The following KANSL1L variants were observed in gnomAD, a reference collection of about 807,000 sequenced individuals.
KANSL1L encodes KAT8 regulatory NSL complex subunit 1 like.
KANSL1L carries 25 observed loss-of-function variants against 108.6 expected under a neutral mutation model. That is an observed-to-expected ratio of 0.23 (90% confidence interval 0.17 to 0.32). The LOEUF (loss-of-function observed/expected upper bound fraction) is 0.32, where lower values mean the gene tolerates loss of function less well. Ranked by LOEUF, KANSL1L falls within the 10% of genes least tolerant of loss-of-function variation. The pLI, the probability that KANSL1L is intolerant of heterozygous loss-of-function variation, is 1.00. For synonymous variants in KANSL1L, 405 were observed against 395.1 expected, an observed-to-expected ratio of 1.03 and a Z score of -0.30; for missense variants, 1,137 against 1,125.7, an observed-to-expected ratio of 1.01 and a Z score of -0.14.
At chr2:210,142,678 C>T (rs545391791) in intron 2 of KANSL1L, among the ~76,000 whole-genome samples, 3 of 152,066 alleles carry the variant, frequency 2.0e-5, no homozygotes, top group Non-Finnish European at 4.4e-5. Context: ...ATTTTCATTT[C>T]TCTCAAGATA....
intron 3 of KANSL1L, among the ~76,000 whole-genome samples, chr2:210,124,943 G>A (rs1270222587): frequency 6.6e-6 from 1 of 151,984 alleles, no homozygotes; most frequent in African/African-American, 2.4e-5. Context: ...AACTTAAGAA[G>A]ACTAAATCTC....
chr2:210,109,610 T>A (rs2094884990), intron 3 of KANSL1L, among the ~76,000 whole-genome samples: 1 of 152,146 alleles, frequency 6.6e-6, no homozygotes, highest in Non-Finnish European at 1.5e-5. Context: ...AGAATATATG[T>A]CAGCTATTGG....
At chr2:210,141,933 T>C (rs1295871506) in intron 2 of KANSL1L, among the ~76,000 whole-genome samples, 3 of 152,108 alleles carry the variant, frequency 2.0e-5, no homozygotes, top group African/African-American at 7.2e-5. Flanking sequence ...TTTTAATGTG[T>C]AGTTAATTCA....
Position 210,153,623 on chromosome 2 carries a change from T to C in KANSL1L, c.960A>G (p.Glu320=). The C allele has an allele frequency of 6.2e-7, 1 of 1,613,800 alleles. No individual in the cohort carries two copies. The highest frequency in any genetic ancestry group is 1.1e-5 in the South Asian group (1 of 90,998). Reference sequence around the variant, plus strand: ...TAGCAGAAAATGCAAATCTTTGGATTTCCGCAGCTGTACACCGTGCAAAGC... The same window carrying C: ...TAGCAGAAAATGCAAATCTTTGGATCTCCGCAGCTGTACACCGTGCAAAGC... ...KNGFARCTAA[E]IQRFAFSATG... is the part of the protein sequence containing the mutation. Residue 320 remains glutamate, a synonymous_variant, in exon 2 of 15, where the codon GAA becomes GAG. Coordinates refer to ENST00000281772, the MANE Select transcript of KANSL1L (RefSeq NM_152519.4).
chr2:210,084,995 A>C (rs921775744), intron 5 of KANSL1L, among the ~76,000 whole-genome samples: 1 of 152,190 alleles, frequency 6.6e-6, no homozygotes, highest in African/African-American at 2.4e-5. Flanking sequence ...TAATAACCAA[A>C]TGTAATTTAT....
chr2:210,064,141 C>T (rs922930687), intron 6 of KANSL1L: 4 of 152,150 alleles, frequency 2.6e-5, no homozygotes, highest in Non-Finnish European at 5.9e-5. Context: ...CTGCCATCTA[C>T]GTTAAGACAT....
At chr2:210,077,487 G>A (rs150832207) in intron 5 of KANSL1L, among the ~76,000 whole-genome samples, 320 of 152,192 alleles carry the variant, frequency 2.1e-3, no homozygotes, top group African/African-American at 6.9e-3. Context: ...CACTGAACAG[G>A]CTAAGTGGCT....
At chr2:210,114,013 T>C (rs970182392) in intron 3 of KANSL1L, among the ~76,000 whole-genome samples, 8 of 152,102 alleles carry the variant, frequency 5.3e-5, no homozygotes, top group African/African-American at 1.9e-4. Flanking sequence ...GCAGAGAGAA[T>C]ATTTGAAGAA....
At chr2:210,134,649 G>A (rs2095157720) in intron 2 of KANSL1L, among the ~76,000 whole-genome samples, 1 of 152,132 alleles carries the variant, frequency 6.6e-6, no homozygotes, top group African/African-American at 2.4e-5. Flanking sequence ...TTATCAAATT[G>A]AGGGAGAGGT....
intron 5 of KANSL1L, among the ~76,000 whole-genome samples, chr2:210,077,560 C>T (rs2094551359): frequency 6.6e-6 from 1 of 152,006 alleles, no homozygotes; most frequent in African/African-American, 2.4e-5. Flanking sequence ...GCATTAGAGG[C>T]AGTTAAGTCA....
intron 2 of KANSL1L, among the ~76,000 whole-genome samples, chr2:210,133,303 ACT>A (rs1292244538): frequency 1.3e-5 from 2 of 152,056 alleles, no homozygotes; most frequent in Non-Finnish European, 2.9e-5. Context: ...AAGTTATTAT[ACT>A]CTTTTTAATT....
rs779913412 is a variant in KANSL1L at position 210,153,783 on chromosome 2, T to C, written c.800A>G (p.His267Arg). Residue 267 changes from histidine to arginine, a missense_variant, in exon 2 of 15, where the codon CAT becomes CGT. Around this residue, in one of 3 missense-constraint regions of KANSL1L, gnomAD observed 556 missense variants for 537.7 expected, o/e 1.03. Transcript: ENST00000281772. ...YGQQMKLSMK[H>R]QLPKMKTFHE... is the part of the protein sequence containing the mutation. ...AAATGTCTTCATTTTGGGGAGTTGA[T>C]GTTTCATAGACAATTTCATCTGCTG... is the stretch of plus-strand genomic sequence containing the variant. 89 of 1,612,692 alleles carry C rather than the reference T, an allele frequency of 5.5e-5. No individual in the cohort carries two copies. The highest frequency in any genetic ancestry group is 7.4e-5 in the Non-Finnish European group (87 of 1,179,694).
intron 6 of KANSL1L, among the ~76,000 whole-genome samples, chr2:210,052,518 T>C (rs1240382006): frequency 6.6e-6 from 1 of 152,198 alleles, no homozygotes; most frequent in Non-Finnish European, 1.5e-5. Flanking sequence ...TCTGTGTGGT[T>C]TGTTCCCTCC....
At chr2:210,036,244 C>T (rs553903191) in intron 8 of KANSL1L, among the ~76,000 whole-genome samples, 2 of 152,260 alleles carry the variant, frequency 1.3e-5, no homozygotes, top group African/African-American at 2.4e-5. Context: ...TGCAGTGATG[C>T]GATCATTGCT....
chr2:210,063,520 G>C (rs1021582206), intron 6 of KANSL1L, among the ~76,000 whole-genome samples: 3 of 152,216 alleles, frequency 2.0e-5, no homozygotes. Flanking sequence ...GCCAGGAAGG[G>C]GGCTATACTC....
chr2:210,037,977 C>T (rs573563181), intron 8 of KANSL1L, among the ~76,000 whole-genome samples: 22 of 152,144 alleles, frequency 1.4e-4, no homozygotes, highest in African/African-American at 3.9e-4. Context: ...TATTTCTACA[C>T]GACTATAATT....
chr2:210,141,436 T>C (rs1484868624), intron 2 of KANSL1L, among the ~76,000 whole-genome samples: 2 of 152,084 alleles, frequency 1.3e-5, no homozygotes, highest in African/African-American at 2.4e-5. Flanking sequence ...ATTAATACTC[T>C]TATAAAAGAG....
intron 1 of KANSL1L, among the ~76,000 whole-genome samples, chr2:210,166,213 A>G (rs534275077): frequency 3.3e-5 from 5 of 152,238 alleles, no homozygotes; most frequent in African/African-American, 9.6e-5. Context: ...ATATTTATGA[A>G]TTTAGCATTA....
At chr2:210,147,780 G>A (rs2095275747) in intron 2 of KANSL1L, among the ~76,000 whole-genome samples, 1 of 152,108 alleles carries the variant, frequency 6.6e-6, no homozygotes, top group Non-Finnish European at 1.5e-5. Context: ...AATGTTTTCA[G>A]TCTCTTTGCC....
Sources: gnomAD v4.1 joint callset for allele counts (sites outside exome capture counted in the v4.1 genomes callset) on GRCh38, gnomAD v4.1.1 for gene constraint, gnomAD v4.1.1 regional missense constraint, MANE v1.5 for transcripts, NCBI Gene and HGNC (gene_info 2026-07-23, HGNC 2026-07-21) for gene names.